The following RHBDL2 variants were observed in gnomAD, a reference collection of about 807,000 sequenced individuals.
RHBDL2 encodes the protein rhomboid like 2, also known as rhomboid-related protein 2.
RHBDL2 carries 26 observed loss-of-function variants against 31.7 expected under a neutral mutation model. The observed-to-expected ratio is 0.82, with a 90% CI of 0.60 to 1.14. The LOEUF is 1.14. Ranked by LOEUF, RHBDL2 falls within the 50% of genes most tolerant of loss-of-function variation. RHBDL2 has a pLI of 0.00. For missense variants in RHBDL2, 336 were observed against 364.4 expected (o/e 0.92, Z 0.63); for synonymous variants, 123 against 127.2 (o/e 0.97, Z 0.22).
At chr1:38,907,396 C>G (rs776836024) in intron 4 of RHBDL2, among the ~76,000 whole-genome samples, 12 of 151,968 alleles carry the variant, frequency 7.9e-5, no homozygotes, top group East Asian at 1.9e-4. Context: ...AAAAATTAGC[C>G]AGGCATGGTG....
intron 2 of RHBDL2, among the ~76,000 whole-genome samples, chr1:38,917,100 T>C (rs1189485383): frequency 2.7e-5 from 4 of 146,050 alleles, no homozygotes; most frequent in African/African-American, 7.5e-5. Flanking sequence ...TCACTGCAAG[T>C]TCTGCCTCCT....
intron 6 of RHBDL2, among the ~76,000 whole-genome samples, chr1:38,889,501 G>A (rs547034892): frequency 3.1e-4 from 47 of 152,250 alleles, no homozygotes; most frequent in Admixed American, 1.0e-3. Flanking sequence ...TGTAGCAATC[G>A]AAGTGAAGAA....
At chr1:38,899,409 G>T (rs995343946) in intron 4 of RHBDL2, among the ~76,000 whole-genome samples, 5 of 152,160 alleles carry the variant, frequency 3.3e-5, no homozygotes, top group African/African-American at 9.7e-5. Flanking sequence ...GTCCTACAAG[G>T]TCACCTTACC....
chr1:38,897,379 C>T (rs1453942977), intron 4 of RHBDL2, among the ~76,000 whole-genome samples: 1 of 152,108 alleles, frequency 6.6e-6, no homozygotes. Flanking sequence ...GGATTACAGG[C>T]GTGAGCCATT....
intron 1 of RHBDL2, among the ~76,000 whole-genome samples, chr1:38,936,835 T>C (rs1643516523): frequency 6.6e-6 from 1 of 152,122 alleles, no homozygotes; most frequent in Non-Finnish European, 1.5e-5. Flanking sequence ...GGTTTCACCA[T>C]GTTGGCCAGG....
At chr1:38,938,420 A>G (rs1443362076) in intron 1 of RHBDL2, among the ~76,000 whole-genome samples, 1 of 151,742 alleles carries the variant, frequency 6.6e-6, no homozygotes, top group African/African-American at 2.4e-5. Context: ...ATCCACCTTC[A>G]TTTCTTTCCA....
At chr1:38,908,513 CAAAAAAA>C (rs35185971) in intron 4 of RHBDL2, among the ~76,000 whole-genome samples, 7 of 66,878 alleles carry the variant, frequency 1.0e-4, no homozygotes, top group Admixed American at 3.8e-4. Flanking sequence ...ACTCCGTCTC[CAAAAAAA>C]AAAAAAAAAA....
At chr1:38,918,788 G>T (rs530979791) in intron 2 of RHBDL2, among the ~76,000 whole-genome samples, 179 bp downstream of exon 2, 1 of 152,262 alleles carries the variant, frequency 6.6e-6, no homozygotes, top group Admixed American at 6.5e-5. Flanking sequence ...TGAGTATAGG[G>T]AAAGCCTCAA....
At chr1:38,907,412 C>T (rs1363754815) in intron 4 of RHBDL2, among the ~76,000 whole-genome samples, 4 of 152,044 alleles carry the variant, frequency 2.6e-5, no homozygotes, top group Non-Finnish European at 2.9e-5. Flanking sequence ...TGGTGGTGGG[C>T]GCCTGTAATC....
chr1:38,927,652 T>C (rs1171778971), intron 1 of RHBDL2, among the ~76,000 whole-genome samples: 1 of 152,210 alleles, frequency 6.6e-6, no homozygotes, highest in Admixed American at 6.5e-5. Context: ...AGTTTTCCAC[T>C]GGGCCTCAGT....
chr1:38,902,723 G>T (rs924077094), intron 4 of RHBDL2, among the ~76,000 whole-genome samples: 1 of 151,218 alleles, frequency 6.6e-6, no homozygotes, highest in Non-Finnish European at 1.5e-5. Flanking sequence ...CCCAGCCTTT[G>T]TTATTTTTTT....
intron 1 of RHBDL2, among the ~76,000 whole-genome samples, chr1:38,937,071 C>T (rs1643518831): frequency 6.6e-6 from 1 of 152,058 alleles, no homozygotes; most frequent in Non-Finnish European, 1.5e-5. Flanking sequence ...CCTCAGCCTC[C>T]CAAGTAGCTG....
At chr1:38,905,531 C>G (rs554453858) in intron 4 of RHBDL2, among the ~76,000 whole-genome samples, 5 of 150,710 alleles carry the variant, frequency 3.3e-5, no homozygotes, top group Non-Finnish European at 7.4e-5. Flanking sequence ...AAATGAATTA[C>G]TTGAGGCCAG....
intron 3 of RHBDL2, among the ~76,000 whole-genome samples, chr1:38,914,411 T>G (rs1353096119): frequency 6.6e-6 from 1 of 151,728 alleles, no homozygotes; most frequent in Non-Finnish European, 1.5e-5. Context: ...CCAGCTAGTT[T>G]TTGTATTTTT....
intron 1 of RHBDL2, among the ~76,000 whole-genome samples, chr1:38,919,974 A>C (rs943672356): frequency 3.0e-4 from 46 of 152,124 alleles, no homozygotes; most frequent in African/African-American, 1.0e-3. Flanking sequence ...CATCACAAAC[A>C]AAAACCCCAT....
chr1:38,891,247 C>T (rs1467960885), intron 6 of RHBDL2, among the ~76,000 whole-genome samples: 1 of 115,642 alleles, frequency 8.6e-6, no homozygotes. Flanking sequence ...GGCAACAGAG[C>T]GAGACTCCGT....
At chr1:38,900,277 G>A (rs1033749216) in intron 4 of RHBDL2, among the ~76,000 whole-genome samples, 12 of 151,538 alleles carry the variant, frequency 7.9e-5, no homozygotes, top group Non-Finnish European at 1.5e-4. Flanking sequence ...AAAATTAGCC[G>A]GGTATGGTGG....
chr1:38,905,589 GA>G (rs55769320), intron 4 of RHBDL2, among the ~76,000 whole-genome samples: 150 of 141,380 alleles, frequency 1.1e-3, no homozygotes, highest in African/African-American at 1.9e-3. Context: ...GTCTCTACAG[GA>G]AAAAAAAAAA....
At chr1:38,934,866 G>A (rs1382218033) in intron 1 of RHBDL2, among the ~76,000 whole-genome samples, 6 of 151,448 alleles carry the variant, frequency 4.0e-5, no homozygotes, top group Non-Finnish European at 8.8e-5. Context: ...ACTGAGGCAG[G>A]AGAATCACTT....
Sources: gnomAD v4.1 joint callset for allele counts (sites outside exome capture counted in the v4.1 genomes callset) on GRCh38, gnomAD v4.1.1 for gene constraint, MANE v1.5 for transcripts, NCBI Gene and HGNC (gene_info 2026-07-23, HGNC 2026-07-21) for gene names.